Variants in TASP1 observed in about 807,000 individuals in gnomAD.
TASP1 encodes threonine aspartase 1.
Under a neutral mutation model 56.6 loss-of-function variants are expected in TASP1, and 16 were observed. The ratio of observed to expected loss-of-function variants is 0.28; its 90% CI spans 0.19 to 0.43. TASP1 has a LOEUF of 0.43. Among genes scored for constraint, TASP1 ranks in the 20% least tolerant of loss-of-function variants. The pLI, the probability that TASP1 is intolerant of heterozygous loss-of-function variation, is 1.00. For missense variants in TASP1, 393 were observed against 511.6 expected (o/e 0.77, Z 2.24); for synonymous variants, 179 against 184.2 (o/e 0.97, Z 0.23).
chr20:13,272,136 A>T, the TASP1 span, among the ~76,000 whole-genome samples: 21,540 of 151,968 alleles, frequency 0.14, 1,580 homozygotes, highest in East Asian at 0.21. Flanking sequence ...CCTTTTCTGT[A>T]CTTTTTCCTC....
chr20:13,395,451 C>T (rs1474384268), intron 13 of TASP1, among the ~76,000 whole-genome samples: 1 of 152,162 alleles, frequency 6.6e-6, no homozygotes, highest in East Asian at 1.9e-4. Context: ...TCATAGAAAA[C>T]ATCTAATTTT....
At chr20:13,188,923 T>C in the TASP1 span, among the ~76,000 whole-genome samples, 4 of 152,226 alleles carry the variant, frequency 2.6e-5, no homozygotes, top group African/African-American at 4.8e-5. Flanking sequence ...CCAGCGACCA[T>C]TCTTCAACCA....
At chr20:13,393,740 T>C in intron 13 of TASP1, 1 of 743,978 alleles carries the variant, frequency 1.3e-6, no homozygotes, top group Non-Finnish European at 2.3e-6. Flanking sequence ...CTGCTGGGAG[T>C]CCCTGCCCAC....
the TASP1 span, among the ~76,000 whole-genome samples, chr20:13,112,695 T>C: frequency 6.6e-6 from 1 of 152,166 alleles, no homozygotes; most frequent in Non-Finnish European, 1.5e-5. Context: ...ATGTTGACTT[T>C]AAATGAGACC....
At chr20:13,305,711 T>C in the TASP1 span, among the ~76,000 whole-genome samples, 1 of 152,212 alleles carries the variant, frequency 6.6e-6, no homozygotes, top group Non-Finnish European at 1.5e-5. Flanking sequence ...TGGTTTACCA[T>C]ATGAGAGTAG....
chr20:13,278,009 C>T, the TASP1 span, among the ~76,000 whole-genome samples: 3 of 152,200 alleles, frequency 2.0e-5, no homozygotes, highest in Non-Finnish European at 2.9e-5. Flanking sequence ...CAGAGCATCT[C>T]AGCAACTCTA....
At chr20:13,221,707 T>C in the TASP1 span, 12 of 1,276,628 alleles carry the variant, frequency 9.4e-6, no homozygotes, top group East Asian at 3.7e-4. Context: ...CTCCTACTCC[T>C]CCTCCCCCGG....
intron 1 of TASP1, among the ~76,000 whole-genome samples, chr20:13,635,249 A>G (rs1036563111): frequency 2.0e-5 from 3 of 152,116 alleles, no homozygotes; most frequent in East Asian, 1.9e-4. Context: ...ACTTAACCCA[A>G]TGGCATTTTC....
intron 11 of TASP1, among the ~76,000 whole-genome samples, chr20:13,466,929 T>C (rs181154888): frequency 5.9e-5 from 9 of 152,186 alleles, no homozygotes; most frequent in East Asian, 1.9e-4. Flanking sequence ...CTTTGTGAGG[T>C]AGGCAAAGCA....
chr20:13,561,184 A>G (rs969911282), intron 7 of TASP1, among the ~76,000 whole-genome samples: 2 of 152,184 alleles, frequency 1.3e-5, no homozygotes, highest in African/African-American at 4.8e-5. Context: ...TTTTTACTGG[A>G]CCTACCCTGC....
chr20:13,618,202 G>T (rs2048589082), intron 4 of TASP1, among the ~76,000 whole-genome samples: 1 of 152,048 alleles, frequency 6.6e-6, no homozygotes, highest in Non-Finnish European at 1.5e-5. Flanking sequence ...TTGAGGCCAG[G>T]AGTTCGAGAC....
the TASP1 span, among the ~76,000 whole-genome samples, chr20:13,229,158 A>AT: frequency 2.1e-3 from 255 of 122,348 alleles, no homozygotes; most frequent in Non-Finnish European, 3.3e-3. Flanking sequence ...CTCTTTCTGC[A>AT]TTTTTTAAAG....
At chr20:13,188,407 T>G in the TASP1 span, among the ~76,000 whole-genome samples, 1 of 151,916 alleles carries the variant, frequency 6.6e-6, no homozygotes, top group African/African-American at 2.4e-5. Context: ...GCAAACAATC[T>G]GAAAAAGAAA....
the TASP1 span, among the ~76,000 whole-genome samples, chr20:13,350,253 G>A: frequency 6.6e-6 from 1 of 152,110 alleles, no homozygotes; most frequent in African/African-American, 2.4e-5. Flanking sequence ...AATAAACGGA[G>A]AGACATACTG....
chr20:13,516,936 G>A (rs1341528556), intron 10 of TASP1, among the ~76,000 whole-genome samples: 1 of 151,974 alleles, frequency 6.6e-6, no homozygotes, highest in Non-Finnish European at 1.5e-5. Flanking sequence ...GGAGGGTGAT[G>A]GGTAGTGTTA....
At chr20:13,393,110 C>G (rs1600660686) in intron 13 of TASP1, 4 of 631,220 alleles carry the variant, frequency 6.3e-6, no homozygotes, top group Non-Finnish European at 8.9e-6. Context: ...GTCTCAAGAT[C>G]GTCAGCAATG....
At chr20:13,272,181 A>G in the TASP1 span, among the ~76,000 whole-genome samples, 1 of 152,122 alleles carries the variant, frequency 6.6e-6, no homozygotes, top group African/African-American at 2.4e-5. Flanking sequence ...ACATAGCAGA[A>G]AGTTCCTGAA....
intron 4 of TASP1, chr20:13,600,486 T>C (rs1435163218): frequency 6.6e-6 from 1 of 152,116 alleles, no homozygotes; most frequent in Non-Finnish European, 1.5e-5. Flanking sequence ...GGAGAAAGAA[T>C]AACATTTTCA....
chr20:13,324,700 A>C, the TASP1 span, among the ~76,000 whole-genome samples: 1 of 152,230 alleles, frequency 6.6e-6, no homozygotes, highest in Non-Finnish European at 1.5e-5. Flanking sequence ...TCAATTTTCC[A>C]GGCATAATCT....
Sources: allele counts gnomAD v4.1 joint callset (sites outside exome capture counted in the v4.1 genomes callset), GRCh38; gene constraint gnomAD v4.1.1; transcripts MANE v1.5; gene names NCBI Gene and HGNC (gene_info 2026-07-23, HGNC 2026-07-21).